Variants in EXOC6 observed in about 807,000 individuals in gnomAD.
EXOC6 encodes exocyst complex component 6, also known as SEC15-like 1.
In EXOC6, 60 loss-of-function variants were observed where a neutral mutation model predicts 112.5. That is an observed-to-expected ratio of 0.53 (90% CI 0.43 to 0.66). The LOEUF is 0.66. Among genes scored for constraint, EXOC6 ranks in the 30% least tolerant of loss-of-function variants. The pLI is 0.00. For missense variants in EXOC6, 855 were observed against 957.1 expected, an observed-to-expected ratio of 0.89 and a Z score of 1.41; for synonymous variants, 295 against 308.0, an observed-to-expected ratio of 0.96 and a Z score of 0.44.
intron 18 of EXOC6, among the ~76,000 whole-genome samples, chr10:92,979,429 G>A (rs1842748933): frequency 6.6e-6 from 1 of 152,218 alleles, no homozygotes; most frequent in Non-Finnish European, 1.5e-5. Context: ...GATCTATCCA[G>A]TGAGATTTTG....
intron 20 of EXOC6, among the ~76,000 whole-genome samples, chr10:93,042,926 CTATTATTATTATTATTATTAT>C (rs146131116): frequency 1.4e-5 from 2 of 143,682 alleles, no homozygotes; most frequent in Non-Finnish European, 3.1e-5. Flanking sequence ...AGATATTTTA[CTATTATTATTATTATTATTAT>C]TATTATTATT....
chr10:92,900,661 CAAAA>C (rs397948008), intron 5 of EXOC6: 1 of 123,180 alleles, frequency 8.1e-6, no homozygotes. Flanking sequence ...CGTTTGCTGC[CAAAA>C]AAAAAAAAAA....
intron 7 of EXOC6, among the ~76,000 whole-genome samples, chr10:92,919,257 A>G (rs1851292538): frequency 6.6e-6 from 1 of 152,100 alleles, no homozygotes; most frequent in Non-Finnish European, 1.5e-5. Flanking sequence ...CTATTTTACT[A>G]CTATACTGCA....
intron 18 of EXOC6, among the ~76,000 whole-genome samples, chr10:92,982,178 A>G (rs772882090): frequency 6.6e-6 from 1 of 152,206 alleles, no homozygotes; most frequent in Non-Finnish European, 1.5e-5. Context: ...TACTGTTGGC[A>G]TATGGTTCTC....
chr10:92,960,619 C>G (rs1377820686), intron 17 of EXOC6, among the ~76,000 whole-genome samples: 2 of 146,488 alleles, frequency 1.4e-5, no homozygotes, highest in Non-Finnish European at 3.0e-5. Context: ...GGCGAACACA[C>G]TTGTAACTAT....
intron 1 of EXOC6, among the ~76,000 whole-genome samples, chr10:92,868,449 T>G (rs1770518080): frequency 2.0e-5 from 3 of 152,174 alleles, no homozygotes; most frequent in Non-Finnish European, 2.9e-5. Context: ...TGCAGCACTT[T>G]TAATTTTGGA....
At chr10:92,857,196 T>C (rs569234908) in intron 1 of EXOC6, among the ~76,000 whole-genome samples, 16 of 152,160 alleles carry the variant, frequency 1.1e-4, no homozygotes, top group African/African-American at 3.8e-4. Flanking sequence ...ATTCCTTTTT[T>C]ACTGCTGCTT....
At chr10:92,934,259 T>G in intron 10 of EXOC6, 51 bp from the exon 11 acceptor site, 1 of 1,545,338 alleles carries the variant, frequency 6.5e-7, no homozygotes, top group Non-Finnish European at 8.7e-7. Context: ...ATACTTACTT[T>G]CTATTAGGGT....
chr10:92,864,391 A>G (rs1848069213), intron 1 of EXOC6, among the ~76,000 whole-genome samples: 1 of 152,228 alleles, frequency 6.6e-6, no homozygotes, highest in African/African-American at 2.4e-5. Flanking sequence ...ATATTCTGAA[A>G]CAAACACTTG....
At chr10:92,878,321 A>G (rs1848776742) in intron 1 of EXOC6, 1 of 152,120 alleles carries the variant, frequency 6.6e-6, no homozygotes, top group African/African-American at 2.4e-5. Context: ...TCTTTTTGGT[A>G]ATGATGCCAA....
intron 1 of EXOC6, among the ~76,000 whole-genome samples, chr10:92,868,306 C>T (rs1438503373): frequency 2.0e-5 from 3 of 152,056 alleles, no homozygotes; most frequent in Non-Finnish European, 4.4e-5. Context: ...CCTAGTACCT[C>T]TTATTAAAAT....
At chr10:92,861,877 G>A (rs1847928288) in intron 1 of EXOC6, among the ~76,000 whole-genome samples, 1 of 152,208 alleles carries the variant, frequency 6.6e-6, no homozygotes, top group Admixed American at 6.5e-5. Flanking sequence ...TTAGGGAACA[G>A]GTTTGTGGAA....
At chr10:92,876,916 T>G (rs1232535094) in intron 1 of EXOC6, among the ~76,000 whole-genome samples, 1 of 152,070 alleles carries the variant, frequency 6.6e-6, no homozygotes, top group Admixed American at 6.5e-5. Context: ...CCTCATTCAT[T>G]CATTCCGGAG....
At chr10:92,877,966 G>A (rs961197332) in intron 1 of EXOC6, 1 of 154,140 alleles carries the variant, frequency 6.5e-6, no homozygotes. Flanking sequence ...AAGGTCTTCA[G>A]CTCCAACCTT....
chr10:92,905,767 A>T (rs74149170), intron 5 of EXOC6, among the ~76,000 whole-genome samples: 4,257 of 152,062 alleles, frequency 0.028, 162 homozygotes, highest in East Asian at 0.15. Flanking sequence ...CCAGAATGTG[A>T]TCTGTCTTGA....
At chr10:92,981,165 C>A (rs1029531841) in intron 18 of EXOC6, among the ~76,000 whole-genome samples, 2 of 152,076 alleles carry the variant, frequency 1.3e-5, no homozygotes, top group African/African-American at 2.4e-5. Context: ...TTATATTAGC[C>A]AGAAAACTTA....
chr10:92,979,359 A>G (rs1471221611), intron 18 of EXOC6, among the ~76,000 whole-genome samples: 1 of 152,184 alleles, frequency 6.6e-6, no homozygotes, highest in Non-Finnish European at 1.5e-5. Flanking sequence ...GATTGTCATG[A>G]TGTGCAATTG....
intron 20 of EXOC6, among the ~76,000 whole-genome samples, chr10:93,045,888 G>C (rs886299800): frequency 5.9e-5 from 9 of 152,202 alleles, no homozygotes; most frequent in African/African-American, 2.2e-4. Flanking sequence ...CAGAACTTTG[G>C]TTGTGAAATA....
At chr10:93,047,997 A>G (rs948466844) in intron 20 of EXOC6, among the ~76,000 whole-genome samples, 6 of 152,124 alleles carry the variant, frequency 3.9e-5, no homozygotes, top group Non-Finnish European at 8.8e-5. Flanking sequence ...CACAAAGCAA[A>G]CTAAATCCAG....
Sources: allele counts gnomAD v4.1 joint callset (sites outside exome capture counted in the v4.1 genomes callset), GRCh38; gene constraint gnomAD v4.1.1; transcripts MANE v1.5; gene names NCBI Gene and HGNC (gene_info 2026-07-23, HGNC 2026-07-21).